The following RANBP2 variants were observed in gnomAD, a reference collection of about 807,000 sequenced individuals.
RANBP2 encodes the protein E3 SUMO-protein ligase RanBP2.
Under a neutral mutation model 303.6 loss-of-function variants are expected in RANBP2, and 57 were observed. That is an observed-to-expected ratio of 0.19 (90% CI 0.15 to 0.23). The LOEUF (loss-of-function observed/expected upper bound fraction) is 0.23. RANBP2 is among the 10% of genes least tolerant of loss of function. The pLI is 1.00. For missense variants in RANBP2, 3,138 were observed against 3,780.8 expected (o/e 0.83, Z 4.46); for synonymous variants, 1,167 against 1,301.5 (o/e 0.90, Z 2.23).
the RANBP2 span, chr2:109,436,900 G>C: frequency 9.3e-6 from 15 of 1,613,240 alleles, no homozygotes; most frequent in African/African-American, 1.5e-4. Context: ...CAGGGTGCCT[G>C]CAGGAGGGGC....
the RANBP2 span, among the ~76,000 whole-genome samples, chr2:109,407,772 C>T: frequency 0.035 from 5,358 of 152,220 alleles, 192 homozygotes; most frequent in African/African-American, 0.089. Context: ...TTGTGAGAAT[C>T]TTATACAAGA....
the RANBP2 span, among the ~76,000 whole-genome samples, chr2:109,451,118 A>G: frequency 6.6e-6 from 1 of 152,212 alleles, no homozygotes; most frequent in African/African-American, 2.4e-5. Flanking sequence ...GTCCAGAGCA[A>G]TGGTTGTTCC....
At chr2:108,733,377 C>T (rs1453585991) in intron 4 of RANBP2, among the ~76,000 whole-genome samples, 3 of 150,604 alleles carry the variant, frequency 2.0e-5, no homozygotes, top group African/African-American at 4.9e-5. Context: ...AGGTGATCCA[C>T]CCACTTCGGC....
At chr2:109,579,336 T>C in the RANBP2 span, among the ~76,000 whole-genome samples, 2 of 151,856 alleles carry the variant, frequency 1.3e-5, no homozygotes, top group East Asian at 3.9e-4. Flanking sequence ...TTAAGTTCCA[T>C]CAAATATTCC....
the RANBP2 span, among the ~76,000 whole-genome samples, chr2:109,728,099 A>G: frequency 6.6e-6 from 1 of 152,194 alleles, no homozygotes; most frequent in Admixed American, 6.5e-5. Context: ...CCCAGCCACC[A>G]TGCTGTGAGG....
chr2:109,539,126 C>T, the RANBP2 span, among the ~76,000 whole-genome samples: 1 of 151,898 alleles, frequency 6.6e-6, no homozygotes, highest in African/African-American at 2.4e-5. Context: ...GGTGAAACCC[C>T]GTCTCTACTA....
the RANBP2 span, among the ~76,000 whole-genome samples, chr2:108,849,711 A>G: frequency 6.6e-6 from 1 of 152,230 alleles, no homozygotes; most frequent in African/African-American, 2.4e-5. Flanking sequence ...TGGAACAAGG[A>G]AGAGATACAA....
At chr2:108,985,479 C>T in the RANBP2 span, among the ~76,000 whole-genome samples, 1 of 152,202 alleles carries the variant, frequency 6.6e-6, no homozygotes, top group Non-Finnish European at 1.5e-5. Flanking sequence ...TCCTTACGGC[C>T]CACCTGTTTT....
the RANBP2 span, among the ~76,000 whole-genome samples, chr2:109,071,233 G>T: frequency 1.3e-5 from 2 of 152,096 alleles, no homozygotes; most frequent in African/African-American, 2.4e-5. Flanking sequence ...TAATGGAAAA[G>T]GTAAATTCAA....
At chr2:109,381,018 T>C in the RANBP2 span, among the ~76,000 whole-genome samples, 1 of 152,240 alleles carries the variant, frequency 6.6e-6, no homozygotes, top group Non-Finnish European at 1.5e-5. Context: ...CTGTGTTGGC[T>C]TTAAGCAGTA....
chr2:108,753,738 T>C, intron 14 of RANBP2, 87 bp from the exon 15 acceptor site: 1 of 1,608,004 alleles, frequency 6.2e-7, no homozygotes, highest in Non-Finnish European at 8.5e-7. Context: ...GTAGCTGGGA[T>C]TACAGGCATG....
At chr2:109,691,897 C>T in the RANBP2 span, among the ~76,000 whole-genome samples, 1 of 151,176 alleles carries the variant, frequency 6.6e-6, no homozygotes, top group Non-Finnish European at 1.5e-5. Context: ...ATTCTCCTGC[C>T]TCAGCCTCCC....
chr2:109,148,030 C>T, the RANBP2 span, among the ~76,000 whole-genome samples: 4 of 152,072 alleles, frequency 2.6e-5, no homozygotes, highest in African/African-American at 4.8e-5. Context: ...CAAGGTCAGT[C>T]GGGTGGTTTG....
At chr2:108,992,019 C>T in the RANBP2 span, among the ~76,000 whole-genome samples, 4 of 152,064 alleles carry the variant, frequency 2.6e-5, no homozygotes, top group Admixed American at 1.3e-4. Context: ...AGGCTGGTCT[C>T]GAACTCCTGA....
At chr2:109,644,415 G>C in the RANBP2 span, among the ~76,000 whole-genome samples, 5 of 152,304 alleles carry the variant, frequency 3.3e-5, no homozygotes, top group South Asian at 1.0e-3. Context: ...GGCAGCTGGC[G>C]AGGTGAATGC....
the RANBP2 span, chr2:109,545,303 G>A: frequency 6.9e-7 from 1 of 1,444,924 alleles, no homozygotes; most frequent in Non-Finnish European, 9.1e-7. Context: ...TAAAACAAGG[G>A]ACACAAAGTA....
chr2:109,510,484 A>C, the RANBP2 span, among the ~76,000 whole-genome samples: 1 of 152,198 alleles, frequency 6.6e-6, no homozygotes, highest in African/African-American at 2.4e-5. Context: ...GAAGCCTTCC[A>C]CATGTCCTAG....
At chr2:109,401,056 G>T in the RANBP2 span, among the ~76,000 whole-genome samples, 1 of 152,198 alleles carries the variant, frequency 6.6e-6, no homozygotes, top group Non-Finnish European at 1.5e-5. Flanking sequence ...GTGCACATCT[G>T]GGGGGTAAAG....
At chr2:109,357,136 T>G in the RANBP2 span, among the ~76,000 whole-genome samples, 2 of 151,034 alleles carry the variant, frequency 1.3e-5, no homozygotes, top group African/African-American at 4.8e-5. Flanking sequence ...CTAATCATAA[T>G]TATGCAGCTT....
Sources: gnomAD v4.1 joint callset for allele counts (sites outside exome capture counted in the v4.1 genomes callset) on GRCh38, gnomAD v4.1.1 for gene constraint, MANE v1.5 for transcripts, NCBI Gene and HGNC (gene_info 2026-07-23, HGNC 2026-07-21) for gene names.